BRD4: variants seen among roughly 807,000 people sequenced by gnomAD.
BRD4 encodes the protein bromodomain containing 4.
In BRD4, 16 loss-of-function variants were observed where a neutral mutation model predicts 142.1. That is an observed-to-expected ratio of 0.11 (90% CI 0.08 to 0.17). The LOEUF is 0.17. BRD4 is among the 10% of genes least tolerant of loss of function. The pLI is 1.00. For missense variants in BRD4, 1,424 were observed against 1,810.9 expected, an observed-to-expected ratio of 0.79 and a Z score of 3.88; for synonymous variants, 833 against 707.5, an observed-to-expected ratio of 1.18 and a Z score of -2.82.
chr19:15,269,227 G>T (rs925349322), intron 2 of BRD4, among the ~76,000 whole-genome samples, 185 bp from the exon 3 acceptor site: 3 of 151,846 alleles, frequency 2.0e-5, no homozygotes, highest in Non-Finnish European at 2.9e-5. Context: ...GTGGAGCGGG[G>T]AAGGGTTCCT....
intron 1 of BRD4, among the ~76,000 whole-genome samples, 159 bp downstream of exon 1, chr19:15,332,131 G>A (rs1012560584): frequency 6.8e-6 from 1 of 146,194 alleles, no homozygotes; most frequent in South Asian, 2.1e-4. Flanking sequence ...CCGCAGGCCC[G>A]AGCCCGCGTA....
rs1009824554 is a variant in BRD4, at chr19:15,237,644, G to A, written c.*733C>T. ...ATAGAAAAAAAAGAAAAAAAAAAAC[G>A]AAACAGAAACACAGGTGGGAAGGAA... On this transcript the variant is annotated 3_prime_UTR_variant, in exon 20 of 20. Coordinates refer to ENST00000679869, the MANE Select transcript of BRD4 (RefSeq NM_001379291.1). 3 of 228,002 alleles carry A rather than the reference G, an allele frequency of 1.3e-5. No homozygotes were observed. Among genetic ancestry groups the A allele is most frequent in the East Asian group, 6.2e-5 (1 of 16,208 alleles). 14.1% of individuals were successfully genotyped at this position (228,002 alleles called of 1,614,324 possible). A position where few individuals can be genotyped will look rare whatever the true frequency, so the allele number is the denominator to read the frequency against.
At chr19:15,247,487 G>A (rs1012340936) in intron 11 of BRD4, 4 of 233,078 alleles carry the variant, frequency 1.7e-5, no homozygotes, top group Admixed American at 5.6e-5. Flanking sequence ...AAGAAGGACA[G>A]GGTCCCTGGA....
intron 1 of BRD4, among the ~76,000 whole-genome samples, chr19:15,319,553 G>T (rs1470814902): frequency 6.6e-6 from 1 of 151,824 alleles, no homozygotes; most frequent in Non-Finnish European, 1.5e-5. Context: ...GGTCAAAGCT[G>T]CAGTGAGCCA....
chr19:15,295,615 T>C (rs2047816532), intron 1 of BRD4, among the ~76,000 whole-genome samples: 1 of 152,188 alleles, frequency 6.6e-6, no homozygotes, highest in African/African-American at 2.4e-5. Context: ...AAGTCCGAAC[T>C]AATGTAATAA....
chr19:15,309,687 G>A (rs2047949606), intron 1 of BRD4, among the ~76,000 whole-genome samples: 1 of 152,176 alleles, frequency 6.6e-6, no homozygotes, highest in Non-Finnish European at 1.5e-5. Flanking sequence ...AACGGATAGT[G>A]TCATTTCTAA....
At chr19:15,312,742 C>T (rs2047982829) in intron 1 of BRD4, among the ~76,000 whole-genome samples, 1 of 151,870 alleles carries the variant, frequency 6.6e-6, no homozygotes, top group Non-Finnish European at 1.5e-5. Flanking sequence ...TCTAGACCAG[C>T]CTGGCCAACA....
rs2145537784 is a variant in BRD4 at position 15,248,977 on chromosome 19, C to T, written c.2159-4215G>A. The T allele has an allele frequency of 5.8e-6, 3 of 521,620 alleles. No individual in the cohort carries two copies. In the East Asian group the frequency reaches 9.5e-5, roughly 17 times the overall value. The allele number at this position is 521,620 out of a possible 1,614,324, so 32.3% of individuals were successfully genotyped here. On this transcript the variant is annotated intron_variant, in intron 11 of 19. Coordinates refer to ENST00000679869, the MANE Select transcript of BRD4 (RefSeq NM_001379291.1). ...ATGTGTTGGGGATTGTCATCACCCT[C>T]CAGGAGATGCCACCCACCCAGAGGA...
At chr19:15,262,260 C>T (rs181979360) in intron 7 of BRD4, among the ~76,000 whole-genome samples, 69 of 152,282 alleles carry the variant, frequency 4.5e-4, no homozygotes, top group Admixed American at 9.8e-4. Flanking sequence ...CAGATGGCTG[C>T]GACAGCCAGG....
intron 1 of BRD4, among the ~76,000 whole-genome samples, chr19:15,308,964 A>T (rs903712396): frequency 6.6e-6 from 1 of 151,690 alleles, no homozygotes; most frequent in South Asian, 2.1e-4. Flanking sequence ...GCAGTGAGCC[A>T]AGATTGCACC....
intron 11 of BRD4, chr19:15,253,837 G>A (rs1311101231): frequency 6.9e-7 from 1 of 1,459,724 alleles, no homozygotes; most frequent in Non-Finnish European, 9.3e-7. Flanking sequence ...CACGCCCACA[G>A]TCCTCATGGC....
intron 4 of BRD4, among the ~76,000 whole-genome samples, chr19:15,266,556 T>C (rs761848533): frequency 3.9e-5 from 6 of 152,204 alleles, no homozygotes; most frequent in Non-Finnish European, 8.8e-5. Flanking sequence ...AATATCCTCA[T>C]GTAAGGATAA....
intron 1 of BRD4, among the ~76,000 whole-genome samples, chr19:15,277,070 G>A (rs779726639): frequency 2.6e-5 from 4 of 152,146 alleles, no homozygotes; most frequent in Non-Finnish European, 2.9e-5. Flanking sequence ...AAAGTTTTCC[G>A]TTGAAAAGAT....
intron 1 of BRD4, among the ~76,000 whole-genome samples, chr19:15,301,557 C>T (rs1420809513): frequency 2.1e-5 from 3 of 142,682 alleles, no homozygotes; most frequent in Admixed American, 1.4e-4. Flanking sequence ...AGCAAGACTA[C>T]GTCTCAAAAC....
intron 1 of BRD4, among the ~76,000 whole-genome samples, chr19:15,285,419 G>A (rs925091859): frequency 3.9e-5 from 6 of 152,158 alleles, no homozygotes; most frequent in Admixed American, 1.3e-4. Flanking sequence ...GGTGGTGCAC[G>A]CCTGTGGTCC....
intron 1 of BRD4, among the ~76,000 whole-genome samples, chr19:15,311,236 G>GA (rs2145711051): frequency 6.6e-6 from 1 of 152,048 alleles, no homozygotes; most frequent in Non-Finnish European, 1.5e-5. Flanking sequence ...AGGTTGCGGT[G>GA]AGTCGAGATC....
chr19:15,312,427 A>G (rs1267429992), intron 1 of BRD4, among the ~76,000 whole-genome samples: 3 of 152,164 alleles, frequency 2.0e-5, no homozygotes, highest in Non-Finnish European at 4.4e-5. Context: ...TGAGATCAGG[A>G]GTTCAAGACC....
chr19:15,258,475 C>T (rs2047436092), intron 7 of BRD4, among the ~76,000 whole-genome samples: 1 of 152,156 alleles, frequency 6.6e-6, no homozygotes, highest in Non-Finnish European at 1.5e-5. Flanking sequence ...GCAGAGGCAG[C>T]GTTCTACCAT....
chr19:15,258,031 A>T (rs1005539880), intron 7 of BRD4, among the ~76,000 whole-genome samples: 25 of 152,146 alleles, frequency 1.6e-4, no homozygotes, highest in African/African-American at 6.0e-4. Context: ...GCTGTGCTCA[A>T]TCCAGTGATG....
Sources: gnomAD v4.1 joint callset for allele counts (sites outside exome capture counted in the v4.1 genomes callset) on GRCh38, gnomAD v4.1.1 for gene constraint, MANE v1.5 for transcripts, NCBI Gene and HGNC (gene_info 2026-07-23, HGNC 2026-07-21) for gene names.